Variants in ZFYVE9 observed in about 807,000 individuals in gnomAD.
ZFYVE9 encodes zinc finger FYVE-type containing 9, also known as zinc finger FYVE domain-containing protein 9.
Under a neutral mutation model 126.7 loss-of-function variants are expected in ZFYVE9, and 43 were observed. The observed-to-expected ratio is 0.34, with a 90% CI of 0.27 to 0.44. The LOEUF (loss-of-function observed/expected upper bound fraction) is 0.44. Among genes scored for constraint, ZFYVE9 ranks in the 20% least tolerant of loss-of-function variants. The pLI is 1.00. For missense variants in ZFYVE9, 1,476 were observed against 1,697.0 expected, an observed-to-expected ratio of 0.87 and a Z score of 2.29; for synonymous variants, 521 against 597.4, an observed-to-expected ratio of 0.87 and a Z score of 1.87.
intron 4 of ZFYVE9, among the ~76,000 whole-genome samples, chr1:52,262,658 AC>A (rs1329770883): frequency 6.6e-6 from 1 of 152,200 alleles, no homozygotes; most frequent in African/African-American, 2.4e-5. Context: ...TCTTGGTTCA[AC>A]TTTGTAAAGT....
At chr1:52,232,784 A>G (rs907455401) in intron 2 of ZFYVE9, among the ~76,000 whole-genome samples, 3 of 150,400 alleles carry the variant, frequency 2.0e-5, no homozygotes, top group South Asian at 2.1e-4. Flanking sequence ...CATCATTAGC[A>G]TTTTGGAACT....
intron 1 of ZFYVE9, among the ~76,000 whole-genome samples, chr1:52,185,116 C>T (rs1291617330): frequency 6.6e-6 from 1 of 152,190 alleles, no homozygotes; most frequent in Non-Finnish European, 1.5e-5. Flanking sequence ...ACTATCTCCC[C>T]ACTTGCTAAC....
At chr1:52,199,201 G>C (rs894717909) in intron 1 of ZFYVE9, among the ~76,000 whole-genome samples, 1 of 152,070 alleles carries the variant, frequency 6.6e-6, no homozygotes, top group Non-Finnish European at 1.5e-5. Flanking sequence ...GAGTAGCTGG[G>C]ACTATAGGCG....
At chr1:52,165,718 A>AACT (rs1265743475) in intron 1 of ZFYVE9, among the ~76,000 whole-genome samples, 1 of 152,226 alleles carries the variant, frequency 6.6e-6, no homozygotes, top group Non-Finnish European at 1.5e-5. Flanking sequence ...ATTGGCTTAG[A>AACT]ACTCTGGATT....
intron 10 of ZFYVE9, among the ~76,000 whole-genome samples, chr1:52,286,836 G>C (rs1368439101): frequency 6.6e-6 from 1 of 152,058 alleles, no homozygotes; most frequent in Non-Finnish European, 1.5e-5. Flanking sequence ...TCTCCTGCTA[G>C]TCATCTCTCC....
intron 13 of ZFYVE9, among the ~76,000 whole-genome samples, chr1:52,312,721 C>T (rs1646149515): frequency 6.6e-6 from 1 of 152,134 alleles, no homozygotes; most frequent in Non-Finnish European, 1.5e-5. Context: ...TGAAGTAAGA[C>T]CAAAGTTATG....
chr1:52,235,819 C>T (rs144960747), intron 3 of ZFYVE9, among the ~76,000 whole-genome samples: 2 of 152,086 alleles, frequency 1.3e-5, no homozygotes, highest in Admixed American at 6.6e-5. Flanking sequence ...GCTCGCTTAC[C>T]TCATCCTGGA....
intron 1 of ZFYVE9, chr1:52,160,434 C>G: frequency 5.3e-6 from 5 of 935,874 alleles, no homozygotes; most frequent in Non-Finnish European, 8.9e-6. Flanking sequence ...CCTCCAAAGG[C>G]AGTGCCTTTC....
In ZFYVE9 at chr1:52,237,999, A is replaced by G. The variant is rs764847826; in HGVS notation, c.582A>G (p.Gln194=). Residue 194 remains glutamine (Q), a synonymous_variant, in exon 4 of 19, where the codon CAA becomes CAG. Coordinates refer to ENST00000287727, the MANE Select transcript of ZFYVE9 (RefSeq NM_004799.4). ...ATAATGAAAACAGACAAACTGATCA[A>G]TTTAGTTTTAGTATAAATGAGTCCA... ...SLDNENRQTD[Q]FSFSINESTE... 9.3e-6 allele frequency: 15 copies of G among 1,614,014 alleles called. No individual in the cohort carries two copies. The highest frequency in any genetic ancestry group is 1.6e-4 in the Middle Eastern group (1 of 6,062).
At chr1:52,289,591 T>C (rs974792844) in intron 10 of ZFYVE9, among the ~76,000 whole-genome samples, 8 of 152,308 alleles carry the variant, frequency 5.3e-5, no homozygotes, top group African/African-American at 1.9e-4. Flanking sequence ...CTATATAAAT[T>C]AGTACATTAC....
chr1:52,313,151 G>A (rs544676895), intron 13 of ZFYVE9, among the ~76,000 whole-genome samples: 2 of 152,250 alleles, frequency 1.3e-5, no homozygotes, highest in African/African-American at 4.8e-5. Flanking sequence ...GCTTGATTTT[G>A]GACTTCTAGC....
chr1:52,234,759 T>C (rs989151792), intron 3 of ZFYVE9, among the ~76,000 whole-genome samples: 1 of 152,216 alleles, frequency 6.6e-6, no homozygotes, highest in Non-Finnish European at 1.5e-5. Flanking sequence ...CATTGGGGTT[T>C]TACATCATCC....
At chr1:52,177,949 T>G (rs78339515) in intron 1 of ZFYVE9, among the ~76,000 whole-genome samples, 1,576 of 151,824 alleles carry the variant, frequency 0.01, 41 homozygotes, top group African/African-American at 0.036. Context: ...GTTTTGTTTT[T>G]TTTTTTTTTA....
intron 1 of ZFYVE9, among the ~76,000 whole-genome samples, chr1:52,171,214 A>G (rs1644565655): frequency 6.7e-6 from 1 of 149,486 alleles, no homozygotes; most frequent in African/African-American, 2.5e-5. Flanking sequence ...ATGTGTTCTC[A>G]TTGTTCAATT....
At chr1:52,200,353 A>AT (rs201684315) in intron 1 of ZFYVE9, among the ~76,000 whole-genome samples, 8,022 of 151,206 alleles carry the variant, frequency 0.053, 230 homozygotes, top group South Asian at 0.076. Flanking sequence ...TAATTTTTAT[A>AT]TTTTTTTTGT....
At chr1:52,324,285 AAAAAC>A (rs1159505781) in intron 13 of ZFYVE9, among the ~76,000 whole-genome samples, 14 of 148,558 alleles carry the variant, frequency 9.4e-5, no homozygotes, top group Admixed American at 2.6e-4. Flanking sequence ...AAACAAAAAC[AAAAAC>A]AAAACAAAAC....
At position 52,324,535 on chromosome 1, in the gene ZFYVE9, T is replaced by C. The variant is rs144372799; in HGVS notation, c.3439-8233T>C. Among the ~76,000 whole-genome samples the C allele has an allele frequency of 5.3e-5, 8 of 152,352 alleles. No homozygotes were observed. The East Asian group carries it at 1.5e-3, about 29-fold the overall frequency. Reference sequence around the variant, plus strand: ...TATGCTGTTTCCTCTGTCCAAAATATTCTTTTTATATACCTGATAGCCTTT... The same window carrying C: ...TATGCTGTTTCCTCTGTCCAAAATACTCTTTTTATATACCTGATAGCCTTT... On this transcript the variant is annotated intron_variant, in intron 13 of 18. Transcript: ENST00000287727.
intron 1 of ZFYVE9, among the ~76,000 whole-genome samples, chr1:52,168,280 G>A (rs190959951): frequency 4.4e-4 from 62 of 141,322 alleles, no homozygotes; most frequent in African/African-American, 1.3e-3. Context: ...GCAATGGTGC[G>A]ATCTCAGCTT....
At position 52,278,708 on chromosome 1, in the gene ZFYVE9, T is replaced by G. The variant is rs1319629972; in HGVS notation, c.2869+94T>G. On this transcript the variant is annotated intron_variant, in intron 9 of 18. Transcript: ENST00000287727. ...TTTATTACACACAAGTATTTTTATATAGAGCCACATCTTTTTTTTTTTCTT... is the reference window on the plus strand; with the variant it reads ...TTTATTACACACAAGTATTTTTATAGAGAGCCACATCTTTTTTTTTTTCTT... 5 of 889,334 alleles carry G rather than the reference T, an allele frequency of 5.6e-6. No individual in the cohort carries two copies. The African/African-American group carries it at 8.7e-5, about 16-fold the overall frequency. 55.1% of individuals were successfully genotyped at this position (889,334 alleles called of 1,614,324 possible).
Sources: gnomAD v4.1 joint callset for allele counts (sites outside exome capture counted in the v4.1 genomes callset) on GRCh38, gnomAD v4.1.1 for gene constraint, MANE v1.5 for transcripts, NCBI Gene and HGNC (gene_info 2026-07-23, HGNC 2026-07-21) for gene names.